The following ENTPD1 variants were observed in gnomAD, a reference collection of about 807,000 sequenced individuals.
ENTPD1 encodes the protein ATP diphosphohydrolase.
Under a neutral mutation model 57.0 loss-of-function variants are expected in ENTPD1, and 33 were observed. The ratio of observed to expected loss-of-function variants is 0.58; its 90% CI spans 0.44 to 0.77. ENTPD1 has a LOEUF of 0.77. Among genes scored for constraint, ENTPD1 ranks in the 30% least tolerant of loss-of-function variants. ENTPD1 has a pLI of 0.00. For synonymous variants in ENTPD1, 202 were observed against 218.8 expected (o/e 0.92, Z 0.68); for missense variants, 501 against 603.4 (o/e 0.83, Z 1.78).
intron 1 of ENTPD1, among the ~76,000 whole-genome samples, chr10:95,797,931 A>G (rs1380747775): frequency 6.6e-6 from 1 of 152,150 alleles, no homozygotes; most frequent in Non-Finnish European, 1.5e-5. Context: ...CCTCATAGAG[A>G]TTAAGGACTT....
intron 2 of ENTPD1, among the ~76,000 whole-genome samples, chr10:95,833,299 T>C (rs2098401791): frequency 6.6e-6 from 1 of 152,064 alleles, no homozygotes; most frequent in Non-Finnish European, 1.5e-5. Flanking sequence ...TTTACAGCAA[T>C]TAAAAAATAA....
At chr10:95,711,849 C>T in exon 1 of ENTPD1, 5 of 1,519,778 alleles carry the variant, frequency 3.3e-6, no homozygotes, top group East Asian at 4.5e-5. Flanking sequence ...TTTTTGTCAG[C>T]GATTGTCAGT....
At chr10:95,781,661 CAGG>C in intron 1 of ENTPD1, among the ~76,000 whole-genome samples, 1 of 152,118 alleles carries the variant, frequency 6.6e-6, no homozygotes, top group Non-Finnish European at 1.5e-5. Context: ...CAGTTTATGT[CAGG>C]TTGTAGTCTT....
intron 1 of ENTPD1, among the ~76,000 whole-genome samples, chr10:95,767,776 C>T (rs2098095717): frequency 6.6e-6 from 1 of 152,022 alleles, no homozygotes; most frequent in South Asian, 2.1e-4. Context: ...AATATTCCTC[C>T]ATTGTCTTGA....
chr10:95,696,573 C>A, the ENTPD1 span, among the ~76,000 whole-genome samples: 2 of 152,184 alleles, frequency 1.3e-5, no homozygotes, highest in Non-Finnish European at 2.9e-5. Flanking sequence ...AGCCACCGTG[C>A]CTGGCATGTA....
intron 1 of ENTPD1, 112 bp downstream of exon 1, chr10:95,756,367 A>ATGAACTT: frequency 2.4e-6 from 3 of 1,229,104 alleles, no homozygotes; most frequent in Admixed American, 4.8e-5. Flanking sequence ...AAAGCCCTGA[A>ATGAACTT]TGAACTTTCC....
chr10:95,734,391 C>A (rs1202053213), intron 1 of ENTPD1, among the ~76,000 whole-genome samples: 3 of 152,170 alleles, frequency 2.0e-5, no homozygotes, highest in Admixed American at 2.0e-4. Flanking sequence ...ATGGAACTTG[C>A]TCCATGCATA....
intron 2 of ENTPD1, among the ~76,000 whole-genome samples, chr10:95,838,388 C>T (rs2098415578): frequency 6.6e-6 from 1 of 152,088 alleles, no homozygotes; most frequent in African/African-American, 2.4e-5. Context: ...TTCCAGTAGC[C>T]CCAAACTGGA....
intron 7 of ENTPD1, among the ~76,000 whole-genome samples, chr10:95,857,786 TCA>T (rs2098457796): frequency 6.6e-6 from 1 of 152,270 alleles, no homozygotes; most frequent in Non-Finnish European, 1.5e-5. Context: ...GCGCCTGCCA[TCA>T]CAGAGTTGGC....
intron 7 of ENTPD1, among the ~76,000 whole-genome samples, chr10:95,857,923 A>G (rs913241838): frequency 1.3e-5 from 2 of 152,186 alleles, no homozygotes; most frequent in African/African-American, 4.8e-5. Context: ...GCACTTTGGG[A>G]GGCCGACGCG....
chr10:95,724,058 A>G (rs1367637312), intron 1 of ENTPD1, among the ~76,000 whole-genome samples: 1 of 150,414 alleles, frequency 6.6e-6, no homozygotes, highest in Non-Finnish European at 1.5e-5. Flanking sequence ...GCTGCTGGGG[A>G]AGCTGAGGCA....
intron 1 of ENTPD1, among the ~76,000 whole-genome samples, chr10:95,761,415 GC>G (rs1254351097): frequency 2.6e-5 from 4 of 152,136 alleles, no homozygotes; most frequent in Non-Finnish European, 5.9e-5. Context: ...TGATAATGCT[GC>G]CCCTCCACAG....
At chr10:95,768,606 A>G (rs2098101381) in intron 1 of ENTPD1, among the ~76,000 whole-genome samples, 1 of 150,460 alleles carries the variant, frequency 6.6e-6, no homozygotes, top group African/African-American at 2.5e-5. Flanking sequence ...TTTCCTCTAT[A>G]TCACTGATTC....
chr10:95,734,327 TATAAAGAAA>T (rs1353009926), intron 1 of ENTPD1, among the ~76,000 whole-genome samples: 4 of 152,140 alleles, frequency 2.6e-5, no homozygotes, highest in Non-Finnish European at 4.4e-5. Flanking sequence ...TTTAAGTTGA[TATAAAGAAA>T]ATAAAGAGCA....
chr10:95,819,457 C>T (rs778554331), intron 1 of ENTPD1, among the ~76,000 whole-genome samples: 68 of 152,238 alleles, frequency 4.5e-4, no homozygotes, highest in Middle Eastern at 3.4e-3. Flanking sequence ...AGCCACTGCA[C>T]CCTGCCGAGA....
intron 1 of ENTPD1, among the ~76,000 whole-genome samples, chr10:95,722,105 G>T (rs1241364140): frequency 6.6e-6 from 1 of 151,972 alleles, no homozygotes; most frequent in African/African-American, 2.4e-5. Context: ...AGATTTTTTT[G>T]ATTCTATAAG....
chr10:95,762,030 A>G (rs2098065785), intron 1 of ENTPD1, among the ~76,000 whole-genome samples: 1 of 152,180 alleles, frequency 6.6e-6, no homozygotes, highest in African/African-American at 2.4e-5. Context: ...TGTGAAGAGA[A>G]AATAAGTTGT....
At chr10:95,740,687 G>A (rs773636242) in intron 1 of ENTPD1, among the ~76,000 whole-genome samples, 3 of 151,854 alleles carry the variant, frequency 2.0e-5, no homozygotes, top group Non-Finnish European at 2.9e-5. Context: ...CTGTTGTTTC[G>A]TGTAGCCACT....
chr10:95,707,610 T>C (rs985717248), upstream of ENTPD1, among the ~76,000 whole-genome samples: 4 of 152,210 alleles, frequency 2.6e-5, no homozygotes, highest in Admixed American at 1.3e-4. Flanking sequence ...TTGTTTGTTT[T>C]GTTTTGTTTT....
Sources: allele counts gnomAD v4.1 joint callset (sites outside exome capture counted in the v4.1 genomes callset), GRCh38; gene constraint gnomAD v4.1.1; transcripts MANE v1.5; gene names NCBI Gene and HGNC (gene_info 2026-07-23, HGNC 2026-07-21).